Variants in ANKRD44 observed in about 807,000 individuals in gnomAD.
The protein encoded by ANKRD44 is serine/threonine-protein phosphatase 6 regulatory ankyrin repeat subunit B.
In ANKRD44, 35 loss-of-function variants were observed where a neutral mutation model predicts 116.0. That is an observed-to-expected ratio of 0.30 (90% CI 0.23 to 0.40). The LOEUF (loss-of-function observed/expected upper bound fraction) is 0.40. Ranked by LOEUF, ANKRD44 falls within the 10% of genes least tolerant of loss-of-function variation. The pLI is 1.00. For missense variants in ANKRD44, 1,014 were observed against 1,242.6 expected (o/e 0.82, Z 2.77); for synonymous variants, 435 against 461.8 (o/e 0.94, Z 0.74).
At chr2:197,287,978 T>A (rs953377465) in intron 1 of ANKRD44, among the ~76,000 whole-genome samples, 2 of 136,502 alleles carry the variant, frequency 1.5e-5, no homozygotes, top group Non-Finnish European at 3.1e-5. Context: ...CGAGATCACA[T>A]CATTGCACTC....
intron 16 of ANKRD44, among the ~76,000 whole-genome samples, chr2:197,073,266 C>A (rs1192540490): frequency 6.6e-6 from 1 of 152,166 alleles, no homozygotes; most frequent in Non-Finnish European, 1.5e-5. Flanking sequence ...GAATTAGGTT[C>A]TCCACCATCA....
chr2:197,202,368 C>T (rs1014547019), intron 1 of ANKRD44, among the ~76,000 whole-genome samples: 1 of 151,474 alleles, frequency 6.6e-6, no homozygotes, highest in Non-Finnish European at 1.5e-5. Context: ...ATCGACTCCT[C>T]CAAGAACAAT....
chr2:197,064,033 G>C (rs1351095017), intron 16 of ANKRD44, among the ~76,000 whole-genome samples: 1 of 152,204 alleles, frequency 6.6e-6, no homozygotes, highest in Non-Finnish European at 1.5e-5. Context: ...AGGAAAAAAT[G>C]TTAAGGGCAG....
chr2:197,110,925 T>C (rs1017182997), intron 8 of ANKRD44, 81 bp from the exon 9 acceptor site: 1 of 911,596 alleles, frequency 1.1e-6, no homozygotes, highest in Non-Finnish European at 1.8e-6. Flanking sequence ...CTATGGACAC[T>C]CCTAATAATG....
chr2:197,027,636 T>G (rs2076622381), intron 16 of ANKRD44, among the ~76,000 whole-genome samples: 1 of 150,918 alleles, frequency 6.6e-6, no homozygotes, highest in African/African-American at 2.4e-5. Flanking sequence ...GAATGAGCAG[T>G]CATGTCAAGT....
At chr2:197,110,603 T>C (rs1378163078) in intron 9 of ANKRD44, among the ~76,000 whole-genome samples, 163 bp downstream of exon 9, 1 of 152,226 alleles carries the variant, frequency 6.6e-6, no homozygotes, top group African/African-American at 2.4e-5. Flanking sequence ...GTTGATGACA[T>C]GTCTGATGAA....
chr2:197,053,665 T>G (rs2077153795), intron 16 of ANKRD44, among the ~76,000 whole-genome samples: 1 of 152,202 alleles, frequency 6.6e-6, no homozygotes, highest in South Asian at 2.1e-4. Context: ...GTATTTTTAG[T>G]AGAAACAGGG....
rs556295302 is a variant in ANKRD44, at chr2:197,271,207, T to C, written c.27+39371A>G. 1.1e-3 allele frequency among the ~76,000 whole-genome samples: 174 copies of C among 152,334 alleles called. 3 individuals carry two copies. Among genetic ancestry groups the C allele is most frequent in the African/African-American group, 4.0e-3 (166 of 41,568 alleles). On this transcript the variant is annotated intron_variant, in intron 1 of 27. Transcript: ENST00000282272. ...ATGAAACCATATCTATCTGCTATGG[T>C]CTGAATGTTTGTGTGCACCCTCAAA...
At chr2:197,079,314 T>C (rs774298794) in intron 15 of ANKRD44, among the ~76,000 whole-genome samples, 1 of 151,850 alleles carries the variant, frequency 6.6e-6, no homozygotes, top group Non-Finnish European at 1.5e-5. Context: ...GCCTAAACAA[T>C]AAAAAGATTA....
chr2:196,997,495 G>T (rs2076035062), intron 25 of ANKRD44, among the ~76,000 whole-genome samples: 1 of 145,928 alleles, frequency 6.9e-6, no homozygotes, highest in South Asian at 2.1e-4. Flanking sequence ...TGTTGTCCAG[G>T]CTGGAGTGCA....
In ANKRD44 at chr2:197,120,699, C is replaced by T. The variant is rs540164473; in HGVS notation, c.906+633G>A. Among the ~76,000 whole-genome samples, 6 of 152,086 alleles carry T rather than the reference C, an allele frequency of 3.9e-5. No individual in the cohort carries two copies. The South Asian group carries it at 1.2e-3, about 32-fold the overall frequency. On this transcript the variant is annotated intron_variant, in intron 8 of 27. Coordinates refer to ENST00000282272, the MANE Select transcript of ANKRD44 (RefSeq NM_001195144.2). ...AAGAAGGTATCTGAGAAGCTCTAAACCCACACTGGAGTTGGAAACAGGCCT... is the reference window on the plus strand; with the variant it reads ...AAGAAGGTATCTGAGAAGCTCTAAATCCACACTGGAGTTGGAAACAGGCCT...
chr2:197,014,648 A>G (rs1244018152), intron 17 of ANKRD44, among the ~76,000 whole-genome samples: 1 of 151,882 alleles, frequency 6.6e-6, no homozygotes, highest in South Asian at 2.1e-4. Flanking sequence ...ATTAGCAGGC[A>G]TGGTGGCGGT....
chr2:196,985,157 C>T (rs2075828172), downstream of ANKRD44, among the ~76,000 whole-genome samples: 1 of 152,166 alleles, frequency 6.6e-6, no homozygotes, highest in South Asian at 2.1e-4. Flanking sequence ...AACTGAGGCC[C>T]TCAGTGTAAC....
intron 16 of ANKRD44, among the ~76,000 whole-genome samples, chr2:197,044,864 GC>G (rs1018723649): frequency 5.3e-5 from 8 of 149,710 alleles, no homozygotes; most frequent in Admixed American, 2.7e-4. Context: ...TTATGCCTAA[GC>G]AAAAAAAAAA....
At chr2:197,083,802 G>A (rs953588934) in intron 13 of ANKRD44, among the ~76,000 whole-genome samples, 1 of 152,206 alleles carries the variant, frequency 6.6e-6, no homozygotes, top group Non-Finnish European at 1.5e-5. Context: ...AAACGTTGCA[G>A]ATTTTGGAGC....
intron 3 of ANKRD44, among the ~76,000 whole-genome samples, chr2:197,139,414 G>T (rs2079301964): frequency 6.6e-6 from 1 of 152,122 alleles, no homozygotes; most frequent in African/African-American, 2.4e-5. Flanking sequence ...TCAAGCTGCA[G>T]AATTATACCT....
At chr2:197,049,279 C>T (rs1288120200) in intron 16 of ANKRD44, among the ~76,000 whole-genome samples, 1 of 152,076 alleles carries the variant, frequency 6.6e-6, no homozygotes, top group African/African-American at 2.4e-5. Flanking sequence ...AATGGTATTG[C>T]CTAGGTTTTC....
At chr2:197,050,969 C>CA (rs536576828) in intron 16 of ANKRD44, among the ~76,000 whole-genome samples, 1 of 134,904 alleles carries the variant, frequency 7.4e-6, no homozygotes, top group Non-Finnish European at 1.6e-5. Flanking sequence ...GTCTCCCTTA[C>CA]TTTTTTTTTT....
chr2:197,077,400 T>C (rs1049039043), intron 16 of ANKRD44, among the ~76,000 whole-genome samples: 4 of 152,210 alleles, frequency 2.6e-5, no homozygotes, highest in African/African-American at 9.6e-5. Context: ...CCTGTTCTAA[T>C]CCATCCACAG....
Sources: allele counts gnomAD v4.1 joint callset (sites outside exome capture counted in the v4.1 genomes callset), GRCh38; gene constraint gnomAD v4.1.1; transcripts MANE v1.5; gene names NCBI Gene and HGNC (gene_info 2026-07-23, HGNC 2026-07-21).